Variants in NEDD9 observed in about 807,000 individuals in gnomAD.
The protein encoded by NEDD9 is enhancer of filamentation 1.
NEDD9 carries 26 observed loss-of-function variants against 76.6 expected under a neutral mutation model. The ratio of observed to expected loss-of-function variants is 0.34; its 90% CI spans 0.25 to 0.47. The LOEUF is 0.47. NEDD9 is among the 20% of genes least tolerant of loss of function. NEDD9 has a pLI of 1.00. For synonymous variants in NEDD9, 392 were observed against 414.2 expected (o/e 0.95, Z 0.65); for missense variants, 937 against 1,058.5 (o/e 0.89, Z 1.59).
At chr6:11,232,387 T>G in intron 1 of NEDD9, 117 bp downstream of exon 1, 1 of 1,314,832 alleles carries the variant, frequency 7.6e-7, no homozygotes, top group Non-Finnish European at 1.1e-6. Context: ...CCGAGACTCA[T>G]CTTAGAACTC....
intron 2 of NEDD9, among the ~76,000 whole-genome samples, chr6:11,309,473 G>C (rs1761300974): frequency 6.6e-6 from 1 of 152,026 alleles, no homozygotes; most frequent in South Asian, 2.1e-4. Context: ...TGTTGCCCAG[G>C]CTGCCTCAAG....
At position 11,370,878 on chromosome 6, in the gene NEDD9, C is replaced by T. The variant is rs1478272178; in HGVS notation, c.-214+11261G>A. ...GGGTGGTGTTGAGGACAGGTGACAA[C>T]GGGGAGGGTGACAGAGGTGACCCCG... On this transcript the variant is annotated intron_variant, in intron 1 of 3. Transcript: ENST00000397378. This position sits in a 1 kb window ranked among gnomAD's most constrained non-coding sequence, Gnocchi z 4.2. Among the ~76,000 whole-genome samples the T allele has an allele frequency of 6.6e-6, 1 of 152,138 alleles. No homozygotes were observed. The highest frequency in any genetic ancestry group is 1.5e-5 in the Non-Finnish European group (1 of 68,022).
At chr6:11,250,062 C>T (rs1434814281) in intron 3 of NEDD9, among the ~76,000 whole-genome samples, 1 of 152,212 alleles carries the variant, frequency 6.6e-6, no homozygotes, top group Non-Finnish European at 1.5e-5. Context: ...TCCACAGGAA[C>T]AGATGTGCAA....
At chr6:11,208,310 GCAT>G (rs1758671060) in intron 2 of NEDD9, among the ~76,000 whole-genome samples, 1 of 151,890 alleles carries the variant, frequency 6.6e-6, no homozygotes, top group Admixed American at 6.6e-5. Context: ...CTCATGCTTT[GCAT>G]CAAGGTGCTC....
At chr6:11,193,752 C>A in intron 2 of NEDD9, 60 bp from the exon 3 acceptor site, 2 of 1,153,730 alleles carry the variant, frequency 1.7e-6, no homozygotes, top group Non-Finnish European at 2.6e-6. Context: ...AATCTCCTTG[C>A]CTCCTAACTA....
chr6:11,188,366 C>T (rs1361002412), intron 5 of NEDD9, 59 bp from the exon 6 acceptor site: 2 of 1,362,408 alleles, frequency 1.5e-6, no homozygotes, highest in East Asian at 4.6e-5. Flanking sequence ...CTTATGCTAA[C>T]AATTTCATTG....
chr6:11,231,392 G>C (rs915419269), intron 1 of NEDD9, among the ~76,000 whole-genome samples: 3 of 152,182 alleles, frequency 2.0e-5, no homozygotes, highest in Non-Finnish European at 4.4e-5. Context: ...ACTGAGGCTA[G>C]TCAGTGGCTA....
intron 3 of NEDD9, 120 bp from the exon 4 acceptor site, chr6:11,192,566 C>T (rs1758176320): frequency 3.0e-6 from 2 of 658,768 alleles, no homozygotes; most frequent in South Asian, 2.0e-5. Flanking sequence ...TGATCTTTGG[C>T]AGTGCTCCAT....
intron 1 of NEDD9, among the ~76,000 whole-genome samples, chr6:11,339,008 C>G (rs1237398622): frequency 6.6e-6 from 1 of 151,032 alleles, no homozygotes; most frequent in Non-Finnish European, 1.5e-5. Context: ...ATAAAACTAT[C>G]TGGATCTAGG....
chr6:11,187,318 A>T (rs1024085970), intron 6 of NEDD9, among the ~76,000 whole-genome samples: 47 of 152,162 alleles, frequency 3.1e-4, no homozygotes, highest in African/African-American at 1.1e-3. Flanking sequence ...TCCTCAATCC[A>T]TCTCTCTTTA....
At chr6:11,307,341 G>C (rs1321124052) in intron 2 of NEDD9, among the ~76,000 whole-genome samples, 1 of 152,116 alleles carries the variant, frequency 6.6e-6, no homozygotes, top group Non-Finnish European at 1.5e-5. Context: ...GCTAAGAGGG[G>C]GGAAAAAGGA....
intron 3 of NEDD9, among the ~76,000 whole-genome samples, chr6:11,294,811 G>A (rs1055277721): frequency 6.6e-6 from 1 of 152,042 alleles, no homozygotes; most frequent in African/African-American, 2.4e-5. Context: ...TTAGTGATAC[G>A]GTTTGGCTGT....
chr6:11,272,844 C>T (rs147859121), intron 3 of NEDD9, among the ~76,000 whole-genome samples: 3 of 152,270 alleles, frequency 2.0e-5, no homozygotes, highest in Non-Finnish European at 4.4e-5. Flanking sequence ...AGTGTGCAAA[C>T]GGAGCGTTGT....
chr6:11,232,448 C>T (rs1759504877), intron 1 of NEDD9, 56 bp downstream of exon 1: 1 of 1,608,668 alleles, frequency 6.2e-7, no homozygotes, highest in African/African-American at 1.3e-5. Flanking sequence ...CACAAGCACA[C>T]ACCCGCAGGC....
chr6:11,342,801 AT>A (rs947583032), intron 1 of NEDD9, among the ~76,000 whole-genome samples: 4 of 152,258 alleles, frequency 2.6e-5, no homozygotes, highest in African/African-American at 9.6e-5. Context: ...TAATAAAAAA[AT>A]AATGACTGAT....
chr6:11,363,311 ATTTC>A (rs373313550), intron 1 of NEDD9, among the ~76,000 whole-genome samples: 28 of 152,310 alleles, frequency 1.8e-4, no homozygotes, highest in African/African-American at 6.3e-4. Flanking sequence ...GGTGGGAGAA[ATTTC>A]TTTGTCAGAT....
rs191202638 is a variant in NEDD9, at chr6:11,289,484, G to A, written c.12+16508C>T. ...TTATTTATTTTTGAGATGGAGTCTC[G>A]CTATTTCGCCCAGGCTGGAATGCAG... On this transcript the variant is annotated intron_variant, in intron 3 of 3. Transcript: ENST00000397378. Among the ~76,000 whole-genome samples, 338 of 152,128 alleles carry A rather than the reference G, an allele frequency of 2.2e-3. 8 individuals are homozygous for A. Among genetic ancestry groups the A allele is most frequent in the Admixed American group, 0.02 (310 of 15,292 alleles).
At chr6:11,311,109 C>A (rs1217209723) in intron 2 of NEDD9, among the ~76,000 whole-genome samples, 1 of 152,056 alleles carries the variant, frequency 6.6e-6, no homozygotes, top group East Asian at 1.9e-4. Flanking sequence ...AGGTTTTCCC[C>A]TAGCTGACTG....
chr6:11,273,488 C>G (rs181561602), intron 3 of NEDD9, among the ~76,000 whole-genome samples: 1 of 152,324 alleles, frequency 6.6e-6, no homozygotes, highest in South Asian at 2.1e-4. Flanking sequence ...CAAGTGCCAC[C>G]GATGCTGAGG....
Sources: allele counts gnomAD v4.1 joint callset (sites outside exome capture counted in the v4.1 genomes callset), GRCh38; gene constraint gnomAD v4.1.1; non-coding constraint Gnocchi (gnomAD v3.1); transcripts MANE v1.5; gene names NCBI Gene and HGNC (gene_info 2026-07-23, HGNC 2026-07-21).